The following DENND11 variants were observed in gnomAD, a reference collection of about 807,000 sequenced individuals.
The protein encoded by DENND11 is DENN domain-containing protein 11.
Under a neutral mutation model 49.2 loss-of-function variants are expected in DENND11, and 34 were observed. The ratio of observed to expected loss-of-function variants is 0.69; its 90% CI spans 0.53 to 0.92. DENND11 has a LOEUF of 0.92. DENND11 is among the 40% of genes least tolerant of loss of function. The pLI is 0.00. For missense variants in DENND11, 475 were observed against 581.6 expected (o/e 0.82, Z 1.88); for synonymous variants, 238 against 230.3 (o/e 1.03, Z -0.30).
chr7:141,686,563 A>G lies in DENND11; in HGVS notation c.364T>C (p.Phe122Leu). Residue 122 changes from phenylalanine to leucine, a missense_variant, in exon 2 of 9, where the codon TTC becomes CTC. By Grantham distance (22) the Phe-to-Leu change is conservative (BLOSUM62 0). Coordinates refer to ENST00000536163, the MANE Select transcript of DENND11 (RefSeq NM_001080392.2). ...CTCCAGTTCAGAAGTACTTACATGA[A>G]ATCAGATTGGATTTTATGGGACCCA... is the stretch of plus-strand genomic sequence containing the variant. ...ASGSHKIQSD[F>L]IYFRKGPFFG... 1 of 1,602,752 alleles carries G rather than the reference A, an allele frequency of 6.2e-7. No individual in the cohort carries two copies. The highest frequency in any genetic ancestry group is 8.5e-7 in the Non-Finnish European group (1 of 1,170,598).
chr7:141,668,522 G>A (rs1797929306), intron 4 of DENND11, among the ~76,000 whole-genome samples: 1 of 152,226 alleles, frequency 6.6e-6, no homozygotes, highest in Non-Finnish European at 1.5e-5. Context: ...GGAGGCAGAG[G>A]TTGCAGTCAG....
At chr7:141,666,538 T>C (rs1253465492) in intron 4 of DENND11, 113 bp from the exon 5 acceptor site, 1 of 1,026,926 alleles carries the variant, frequency 9.7e-7, no homozygotes, top group Non-Finnish European at 1.4e-6. Context: ...TCCAAACAGA[T>C]ACATTAAAGG....
Position 141,665,458 on chromosome 7 carries a change from G to A in DENND11, c.821-140C>T, listed in dbSNP as rs549669992. The A allele has an allele frequency of 4.2e-6, 5 of 1,196,924 alleles. No individual in the cohort carries two copies. In the East Asian group the frequency reaches 1.0e-4, roughly 25 times the overall value. 74.1% of individuals were successfully genotyped at this position (1,196,924 alleles called of 1,614,324 possible). A position where few individuals can be genotyped will look rare whatever the true frequency, so the allele number is the denominator to read the frequency against. ...TGGTCCTGGCGTTCTGAGGAGACTG[G>A]AGGTGGCAAGCCTTTTGGGGTGCCA... is the stretch of plus-strand genomic sequence containing the variant. On this transcript the variant is annotated intron_variant, in intron 5 of 8. Transcript: ENST00000536163.
Position 141,662,722 on chromosome 7 carries a change from G to C in DENND11, c.1302C>G (p.Leu434=). The C allele has an allele frequency of 6.2e-7, 1 of 1,611,662 alleles. No homozygotes were observed. Among genetic ancestry groups the C allele is most frequent in the Non-Finnish European group, 8.5e-7 (1 of 1,179,032 alleles). ...GLDPQGDRSF[L]LDLLEAYGID... ...TGCCATAGGCCTCCAGCAGGTCCAGGAGAAAGCTCCGGTCTCCTTGGGGGT... is the reference window on the plus strand; with the variant it reads ...TGCCATAGGCCTCCAGCAGGTCCAGCAGAAAGCTCCGGTCTCCTTGGGGGT... Residue 434 remains leucine (L), a synonymous_variant, in exon 9 of 9, where the codon CTC becomes CTG. Coordinates refer to ENST00000536163, the MANE Select transcript of DENND11 (RefSeq NM_001080392.2).
At chr7:141,699,566 A>G (rs913458773) in intron 1 of DENND11, among the ~76,000 whole-genome samples, 1 of 152,134 alleles carries the variant, frequency 6.6e-6, no homozygotes, top group African/African-American at 2.4e-5. Context: ...CAAAAAAAAC[A>G]CAAGTTACAA....
chr7:141,663,019 T>G (rs1457293599), intron 8 of DENND11, 168 bp from the exon 9 acceptor site: 2 of 533,448 alleles, frequency 3.7e-6, no homozygotes, highest in East Asian at 6.5e-5. Context: ...ATTATTCAAG[T>G]GCTACTAAGG....
intron 3 of DENND11, among the ~76,000 whole-genome samples, chr7:141,676,195 C>T (rs1023544771): frequency 1.3e-5 from 2 of 152,116 alleles, no homozygotes; most frequent in African/African-American, 2.4e-5. Flanking sequence ...TTTAATACTA[C>T]ATTTTCTGTG....
rs1418722458 is a variant in DENND11 at position 141,660,922 on chromosome 7, C to T, written c.*1734G>A. ...AGAGGAGAAAAGTCTATTAGCTGTACAGTTTACATTTCAATGCCCAAACTT... is the reference window on the plus strand; with the variant it reads ...AGAGGAGAAAAGTCTATTAGCTGTATAGTTTACATTTCAATGCCCAAACTT... On this transcript the variant is annotated 3_prime_UTR_variant, in exon 9 of 9. Coordinates refer to ENST00000536163, the MANE Select transcript of DENND11 (RefSeq NM_001080392.2). The T allele has an allele frequency of 6.6e-6, 1 of 152,582 alleles. No individual in the cohort carries two copies. Among genetic ancestry groups the T allele is most frequent in the Non-Finnish European group, 1.5e-5 (1 of 68,036 alleles). 9.5% of individuals were successfully genotyped at this position (152,582 alleles called of 1,614,324 possible).
Position 141,662,800 on chromosome 7 carries a change from A to T in DENND11, c.1224T>A (p.Ser408=). 1 of 1,597,322 alleles carries T rather than the reference A, an allele frequency of 6.3e-7. No homozygotes were observed. The highest frequency in any genetic ancestry group is 8.5e-7 in the Non-Finnish European group (1 of 1,171,372). The part of the protein sequence containing the change: ...NRIFQTLLEV[S]ASQDKTLTAE... Reference sequence around the variant, plus strand: ...CTGTCAGAGTTTTGTCTTGACTGGCAGACACCTCCAACAAAGTCTGAAATA... The same window carrying T: ...CTGTCAGAGTTTTGTCTTGACTGGCTGACACCTCCAACAAAGTCTGAAATA... Residue 408 remains serine (S), a synonymous_variant, in exon 9 of 9, where the codon TCT becomes TCA. Transcript: ENST00000536163.
intron 2 of DENND11, 56 bp downstream of exon 2, chr7:141,686,503 A>G: frequency 5.3e-6 from 6 of 1,125,792 alleles, no homozygotes; most frequent in Non-Finnish European, 8.0e-6. Context: ...AGCTTTGGGG[A>G]AAGTGTGGAG....
chr7:141,692,330 T>C (rs1284305624), intron 1 of DENND11, among the ~76,000 whole-genome samples: 1 of 152,128 alleles, frequency 6.6e-6, no homozygotes, highest in Non-Finnish European at 1.5e-5. Context: ...ATAGCCAACA[T>C]AATACTGAAG....
At chr7:141,697,772 T>C (rs1158377189) in intron 1 of DENND11, among the ~76,000 whole-genome samples, 1 of 152,186 alleles carries the variant, frequency 6.6e-6, no homozygotes, top group Non-Finnish European at 1.5e-5. Context: ...TTATGTTTCA[T>C]AGACTATACA....
At chr7:141,673,750 C>G (rs1252976945) in intron 4 of DENND11, among the ~76,000 whole-genome samples, 2 of 152,228 alleles carry the variant, frequency 1.3e-5, no homozygotes, top group Non-Finnish European at 2.9e-5. Flanking sequence ...CTTCATCAGA[C>G]TCTTCATCTT....
intron 1 of DENND11, among the ~76,000 whole-genome samples, chr7:141,694,149 CATTA>C (rs901852568): frequency 2.0e-4 from 31 of 152,024 alleles, no homozygotes; most frequent in African/African-American, 6.8e-4. Flanking sequence ...AAATAAAATA[CATTA>C]ATTATTTAAA....
At chr7:141,675,513 A>G (rs1012255521) in intron 3 of DENND11, among the ~76,000 whole-genome samples, 26 of 152,196 alleles carry the variant, frequency 1.7e-4, no homozygotes, top group African/African-American at 6.3e-4. Context: ...TCAATGAACA[A>G]AAAGCAAAAT....
At chr7:141,670,247 A>G (rs1306389922) in intron 4 of DENND11, among the ~76,000 whole-genome samples, 1 of 151,984 alleles carries the variant, frequency 6.6e-6, no homozygotes, top group East Asian at 1.9e-4. Flanking sequence ...ATATACACCC[A>G]TCAATACTTT....
chr7:141,668,557 G>A (rs1408853670), intron 4 of DENND11, among the ~76,000 whole-genome samples: 1 of 152,182 alleles, frequency 6.6e-6, no homozygotes, highest in Non-Finnish European at 1.5e-5. Context: ...CTGCCCTCCA[G>A]CCTGGGCAAC....
intron 3 of DENND11, among the ~76,000 whole-genome samples, chr7:141,685,025 AAAAAATATATATAT>A (rs1798212109): frequency 9.8e-6 from 1 of 102,072 alleles, no homozygotes; most frequent in Admixed American, 1.1e-4. Flanking sequence ...AAAAAAAAAA[AAAAAATATATATAT>A]ATATATATAT....
intron 1 of DENND11, among the ~76,000 whole-genome samples, chr7:141,687,593 T>C (rs1180557276): frequency 6.6e-6 from 1 of 150,554 alleles, no homozygotes; most frequent in Non-Finnish European, 1.5e-5. Flanking sequence ...GCCTCCCACG[T>C]AGCTGGGATT....
Sources: gnomAD v4.1 joint callset for allele counts (sites outside exome capture counted in the v4.1 genomes callset) on GRCh38, gnomAD v4.1.1 for gene constraint, MANE v1.5 for transcripts, NCBI Gene and HGNC (gene_info 2026-07-23, HGNC 2026-07-21) for gene names.